The following PROCR variants were observed in gnomAD, a reference collection of about 807,000 sequenced individuals.
The protein encoded by PROCR is protein C receptor.
PROCR carries 22 observed loss-of-function variants against 24.2 expected under a neutral mutation model. The ratio of observed to expected loss-of-function variants is 0.91; its 90% CI spans 0.65 to 1.30. The LOEUF is 1.30. Among genes scored for constraint, PROCR ranks in the 50% most tolerant of loss-of-function variants. PROCR has a pLI of 0.00. For synonymous variants in PROCR, 137 were observed against 139.2 expected (o/e 0.98, Z 0.11); for missense variants, 288 against 307.7 (o/e 0.94, Z 0.48).
chr20:35,214,522 T>TA (rs2060373906), intron 1 of PROCR, among the ~76,000 whole-genome samples: 1 of 151,518 alleles, frequency 6.6e-6, no homozygotes, highest in South Asian at 2.1e-4. Flanking sequence ...CTGCCTCTAC[T>TA]AAAAAAATAC....
intron 1 of PROCR, among the ~76,000 whole-genome samples, chr20:35,174,079 T>C (rs1420277186): frequency 6.6e-6 from 1 of 152,192 alleles, no homozygotes; most frequent in Non-Finnish European, 1.5e-5. Context: ...ATTAAGCCAC[T>C]GGGGAAAGGC....
intron 3 of PROCR, 98 bp from the exon 4 acceptor site, chr20:35,176,600 G>C (rs2086021395): frequency 6.4e-7 from 1 of 1,574,396 alleles, no homozygotes; most frequent in Admixed American, 1.9e-5. Flanking sequence ...TGGTAAACGG[G>C]TCCCTTTCCT....
chr20:35,171,111 G>A (rs916884049), upstream of PROCR, among the ~76,000 whole-genome samples: 1 of 152,040 alleles, frequency 6.6e-6, no homozygotes, highest in Admixed American at 6.6e-5. Context: ...ATATTGGCCA[G>A]GCTGGTCTCA....
chr20:35,203,384 A>G (rs1298260213), intron 1 of PROCR: 1 of 152,242 alleles, frequency 6.6e-6, no homozygotes, highest in Non-Finnish European at 1.5e-5. Context: ...TAATGTTATT[A>G]GACATAATGT....
At position 35,174,919 on chromosome 20, in the gene PROCR, C is replaced by G. The variant is rs761109678; in HGVS notation, c.288C>G (p.Leu96=). ...LQSYLLQFHG[L]VRLVHQERTL... ...CCTACCTGCTCCAGTTCCACGGCCTCGTGCGCCTGGTGCACCAGGAGCGGA... is the reference window on the plus strand; with the variant it reads ...CCTACCTGCTCCAGTTCCACGGCCTGGTGCGCCTGGTGCACCAGGAGCGGA... The change falls in exon 2 of 4, where the codon CTC becomes CTG. Residue 96 remains leucine, a synonymous_variant. Coordinates refer to ENST00000216968, the MANE Select transcript of PROCR (RefSeq NM_006404.5). 42 of 1,434,744 alleles carry G rather than the reference C, an allele frequency of 2.9e-5. No individual in the cohort carries two copies. The highest frequency in any genetic ancestry group is 1.9e-4 in the Middle Eastern group (1 of 5,162). 88.9% of individuals were successfully genotyped at this position (1,434,744 alleles called of 1,614,324 possible).
intron 1 of PROCR, among the ~76,000 whole-genome samples, chr20:35,190,899 C>T (rs1364140684): frequency 5.3e-5 from 8 of 152,078 alleles, no homozygotes; most frequent in South Asian, 2.1e-4. Context: ...CTCGCTCCGT[C>T]GCCAGGCTGG....
chr20:35,203,821 G>T (rs2146174666), intron 1 of PROCR, among the ~76,000 whole-genome samples: 1 of 152,056 alleles, frequency 6.6e-6, no homozygotes, highest in South Asian at 2.1e-4. Flanking sequence ...AGCTTTACAT[G>T]CCTATGATAG....
rs566694126 is a variant in PROCR, at chr20:35,172,701, C to T, written c.70+477C>T. Reference sequence around the variant, plus strand: ...CTAGGGAAAATGGAAGGAGACTGGTCGCAGCTGGTGGAACTGGGGAGAAAG... The same window carrying T: ...CTAGGGAAAATGGAAGGAGACTGGTTGCAGCTGGTGGAACTGGGGAGAAAG... On this transcript the variant is annotated intron_variant, in intron 1 of 3. Coordinates refer to ENST00000216968, the MANE Select transcript of PROCR (RefSeq NM_006404.5). Among the ~76,000 whole-genome samples, 115 of 152,094 alleles carry T rather than the reference C, an allele frequency of 7.6e-4. 1 individual carries two copies. Among genetic ancestry groups the T allele is most frequent in the African/African-American group, 2.6e-3 (108 of 41,480 alleles).
At chr20:35,211,107 G>C (rs908863419) in intron 1 of PROCR, among the ~76,000 whole-genome samples, 1 of 152,152 alleles carries the variant, frequency 6.6e-6, no homozygotes, top group Non-Finnish European at 1.5e-5. Flanking sequence ...ACATCTGGAA[G>C]TTGAGGATCT....
At chr20:35,199,969 G>A (rs762718585) in intron 1 of PROCR, among the ~76,000 whole-genome samples, 4 of 152,154 alleles carry the variant, frequency 2.6e-5, no homozygotes, top group Admixed American at 6.6e-5. Context: ...AGAGGTTCAA[G>A]TCTTCAGTGG....
intron 1 of PROCR, among the ~76,000 whole-genome samples, chr20:35,206,722 C>T (rs1195166731): frequency 2.2e-4 from 34 of 152,038 alleles, no homozygotes; most frequent in Admixed American, 2.1e-3. Context: ...GGTGAGAAGG[C>T]GGAACAACTG....
chr20:35,215,690 G>A (rs2060379860), intron 1 of PROCR, among the ~76,000 whole-genome samples: 1 of 151,990 alleles, frequency 6.6e-6, no homozygotes, highest in Non-Finnish European at 1.5e-5. Context: ...TGTGTCGTGG[G>A]GTAGGTCACT....
chr20:35,175,011 G>A (rs1306192854), intron 2 of PROCR, 58 bp downstream of exon 2: 13 of 1,270,012 alleles, frequency 1.0e-5, no homozygotes, highest in Non-Finnish European at 1.0e-5. Flanking sequence ...GCGGGGCCTG[G>A]CGGGTGGGGG....
At chr20:35,198,093 G>A (rs535696206) in intron 1 of PROCR, among the ~76,000 whole-genome samples, 5 of 151,198 alleles carry the variant, frequency 3.3e-5, no homozygotes, top group African/African-American at 4.9e-5. Context: ...GGCCATCCTG[G>A]CTAACGTGGT....
chr20:35,214,907 C>CTTTTT (rs71198708), intron 1 of PROCR, among the ~76,000 whole-genome samples: 3 of 119,522 alleles, frequency 2.5e-5, no homozygotes, highest in African/African-American at 6.4e-5. Flanking sequence ...TTTTCTTTTT[C>CTTTTT]TTTTTTTTTT....
intron 1 of PROCR, among the ~76,000 whole-genome samples, chr20:35,183,261 G>A (rs1170932607): frequency 5.9e-5 from 9 of 152,166 alleles, no homozygotes; most frequent in African/African-American, 2.2e-4. Context: ...GGGCATAATG[G>A]GAGGTGTTTG....
intron 2 of PROCR, 137 bp downstream of exon 2, chr20:35,175,090 C>A: frequency 9.3e-7 from 1 of 1,076,826 alleles, no homozygotes; most frequent in Non-Finnish European, 1.3e-6. Flanking sequence ...TCGGTGGCGC[C>A]TGGGCCTTTG....
At chr20:35,184,556 T>C (rs2086106305) in intron 1 of PROCR, among the ~76,000 whole-genome samples, 1 of 152,022 alleles carries the variant, frequency 6.6e-6, no homozygotes, top group Admixed American at 6.6e-5. Flanking sequence ...AAAAATTAGC[T>C]GGGCGTGGTG....
At chr20:35,207,350 A>G (rs1331805857) in intron 1 of PROCR, among the ~76,000 whole-genome samples, 2 of 151,720 alleles carry the variant, frequency 1.3e-5, no homozygotes, top group Admixed American at 1.3e-4. Flanking sequence ...TGTAAATTAC[A>G]ATTAAATTAT....
Sources: gnomAD v4.1 joint callset for allele counts (sites outside exome capture counted in the v4.1 genomes callset) on GRCh38, gnomAD v4.1.1 for gene constraint, MANE v1.5 for transcripts, NCBI Gene and HGNC (gene_info 2026-07-23, HGNC 2026-07-21) for gene names.